Variants in ARL15 observed in about 807,000 individuals in gnomAD.
ARL15 encodes ARF like GTPase 15, also known as ADP-ribosylation factor-like protein 15.
In ARL15, 19 loss-of-function variants were observed where a neutral mutation model predicts 25.2. That is an observed-to-expected ratio of 0.75 (90% CI 0.53 to 1.10). The LOEUF (loss-of-function observed/expected upper bound fraction) is 1.10. Among genes scored for constraint, ARL15 ranks in the 50% least tolerant of loss-of-function variants. ARL15 has a pLI of 0.00. For missense variants in ARL15, 220 were observed against 246.0 expected, an observed-to-expected ratio of 0.89 and a Z score of 0.71; for synonymous variants, 94 against 86.8, an observed-to-expected ratio of 1.08 and a Z score of -0.46.
intron 4 of ARL15, among the ~76,000 whole-genome samples, chr5:54,034,506 T>A (rs761541863): frequency 1.2e-4 from 18 of 152,158 alleles, no homozygotes; most frequent in Non-Finnish European, 1.9e-4. Context: ...TTTGTTAAAG[T>A]AAAGGTGGTC....
intron 3 of ARL15, among the ~76,000 whole-genome samples, chr5:54,115,058 T>G (rs574204944): frequency 2.0e-5 from 3 of 152,308 alleles, no homozygotes; most frequent in African/African-American, 2.4e-5. Context: ...CTCAGTGACA[T>G]CCTGTTGGTA....
intron 1 of ARL15, among the ~76,000 whole-genome samples, chr5:54,174,829 G>A (rs1301709360): frequency 6.6e-6 from 1 of 152,162 alleles, no homozygotes; most frequent in Non-Finnish European, 1.5e-5. Flanking sequence ...GATGGCCATG[G>A]CTAGCAGCTG....
intron 1 of ARL15, among the ~76,000 whole-genome samples, chr5:54,227,330 G>A (rs1311699812): frequency 6.6e-6 from 1 of 152,218 alleles, no homozygotes; most frequent in Admixed American, 6.5e-5. Context: ...TCCTCCTGCA[G>A]CAAGCAAGGT....
At chr5:54,152,874 C>A (rs912045960) in intron 3 of ARL15, among the ~76,000 whole-genome samples, 1 of 152,212 alleles carries the variant, frequency 6.6e-6, no homozygotes, top group African/African-American at 2.4e-5. Context: ...AGTCCCCTAA[C>A]TTGATCTTTC....
chr5:54,162,861 T>C (rs947065552), intron 2 of ARL15, among the ~76,000 whole-genome samples: 3 of 152,222 alleles, frequency 2.0e-5, no homozygotes, highest in African/African-American at 7.2e-5. Context: ...TACGTTTTTA[T>C]TTATTCTTTC....
chr5:54,266,980 T>C (rs1182450159), intron 1 of ARL15, among the ~76,000 whole-genome samples: 5 of 152,230 alleles, frequency 3.3e-5, no homozygotes, highest in Non-Finnish European at 7.3e-5. Context: ...GTATCTGTGT[T>C]CAAAGATTTT....
At chr5:54,212,223 G>A (rs948771127) in intron 1 of ARL15, among the ~76,000 whole-genome samples, 1 of 152,138 alleles carries the variant, frequency 6.6e-6, no homozygotes, top group Non-Finnish European at 1.5e-5. Context: ...CCAACCAATG[G>A]TTTAACCAAA....
intron 1 of ARL15, among the ~76,000 whole-genome samples, chr5:54,276,810 G>A (rs1419689673): frequency 6.6e-6 from 1 of 152,232 alleles, no homozygotes; most frequent in Non-Finnish European, 1.5e-5. Flanking sequence ...GCAAAAGCTA[G>A]AAGTATGCCA....
intron 4 of ARL15, among the ~76,000 whole-genome samples, chr5:54,021,536 G>C (rs529098698): frequency 6.6e-6 from 1 of 152,086 alleles, no homozygotes; most frequent in African/African-American, 2.4e-5. Context: ...AAGAATCAGC[G>C]TACCTGAATT....
chr5:54,157,179 TTTAATCTGCTTTGATTC>T (rs1442070116), intron 2 of ARL15, among the ~76,000 whole-genome samples: 2 of 152,244 alleles, frequency 1.3e-5, no homozygotes, highest in Non-Finnish European at 2.9e-5. Context: ...ATCACCAATG[TTTAATCTGCTTTGATTC>T]TTAAAAGCTG....
intron 1 of ARL15, among the ~76,000 whole-genome samples, chr5:54,233,025 AGAGT>A (rs1207350744): frequency 3.9e-5 from 6 of 152,178 alleles, no homozygotes; most frequent in African/African-American, 1.4e-4. Context: ...ATTGATGGAG[AGAGT>A]GAGTGAGTGA....
chr5:54,224,359 T>G (rs1341436116), intron 1 of ARL15, among the ~76,000 whole-genome samples: 1 of 152,052 alleles, frequency 6.6e-6, no homozygotes, highest in Admixed American at 6.6e-5. Context: ...GAAATGGAAC[T>G]GATGGAGGGA....
At chr5:54,282,019 T>C (rs1389354514) in intron 1 of ARL15, among the ~76,000 whole-genome samples, 1 of 152,254 alleles carries the variant, frequency 6.6e-6, no homozygotes, top group African/African-American at 2.4e-5. Flanking sequence ...TGAATATTTC[T>C]ACTAGGAACC....
intron 1 of ARL15, among the ~76,000 whole-genome samples, chr5:54,203,440 AT>A (rs1443017176): frequency 6.6e-6 from 1 of 152,156 alleles, no homozygotes; most frequent in Non-Finnish European, 1.5e-5. Context: ...ATTGGAATAG[AT>A]TCTGGATAAT....
intron 1 of ARL15, among the ~76,000 whole-genome samples, chr5:54,205,725 G>C (rs1180335088): frequency 6.6e-6 from 1 of 152,140 alleles, no homozygotes; most frequent in Non-Finnish European, 1.5e-5. Flanking sequence ...CTGCTGTGGA[G>C]GACTAAATAT....
chr5:54,122,425 G>A lies in ARL15; in HGVS notation c.254-9015C>T, dbSNP rs745549277. ...AAACTGGTTTTGTCCACATGTGCAC[G>A]TGCATGCGTGCGCAATGTGCGTGTA... On this transcript the variant is annotated intron_variant, in intron 3 of 4. Coordinates refer to ENST00000504924, the MANE Select transcript of ARL15 (RefSeq NM_019087.3). 1.2e-4 allele frequency among the ~76,000 whole-genome samples: 18 copies of A among 152,246 alleles called. 1 individual carries two copies. Among genetic ancestry groups the A allele is most frequent in the Admixed American group, 4.6e-4 (7 of 15,292 alleles).
chr5:54,222,151 A>C (rs1297340224), intron 1 of ARL15, among the ~76,000 whole-genome samples: 3 of 152,250 alleles, frequency 2.0e-5, no homozygotes, highest in Non-Finnish European at 4.4e-5. Context: ...CATTTCTAAG[A>C]AGCACAATTC....
rs534859739 is a variant in ARL15 at position 54,108,987 on chromosome 5, G to A, written c.462+4215C>T. On this transcript the variant is annotated intron_variant, in intron 4 of 4. Coordinates refer to ENST00000504924, the MANE Select transcript of ARL15 (RefSeq NM_019087.3). ...AAATAAAACATGGTCTAAAAAACCA[G>A]TAATGTTTATATCATTACAAAAATA... 2.8e-3 allele frequency among the ~76,000 whole-genome samples: 422 copies of A among 152,104 alleles called. 3 individuals carry two copies. Among genetic ancestry groups the A allele is most frequent in the Middle Eastern group, 3.4e-3 (1 of 294 alleles).
At chr5:53,932,525 C>T (rs888108594) in intron 4 of ARL15, among the ~76,000 whole-genome samples, 1 of 152,164 alleles carries the variant, frequency 6.6e-6, no homozygotes, top group East Asian at 1.9e-4. Context: ...ACCTTCTAAG[C>T]GGATCACCAT....
Sources: gnomAD v4.1 joint callset for allele counts (sites outside exome capture counted in the v4.1 genomes callset) on GRCh38, gnomAD v4.1.1 for gene constraint, MANE v1.5 for transcripts, NCBI Gene and HGNC (gene_info 2026-07-23, HGNC 2026-07-21) for gene names.